The following ZNF518A variants were observed in gnomAD, a reference collection of about 807,000 sequenced individuals.
The protein encoded by ZNF518A is zinc finger protein 518A.
Under a neutral mutation model 102.7 loss-of-function variants are expected in ZNF518A, and 47 were observed. The observed-to-expected ratio is 0.46, with a 90% CI of 0.36 to 0.58. The LOEUF is 0.58. Ranked by LOEUF, ZNF518A falls within the 20% of genes least tolerant of loss-of-function variation. The probability of loss-of-function intolerance (pLI) is 0.00; values close to 1 mark genes in which losing one functional copy is unlikely to be tolerated. For synonymous variants in ZNF518A, 652 were observed against 594.6 expected, an observed-to-expected ratio of 1.10 and a Z score of -1.40; for missense variants, 1,793 against 1,699.8, an observed-to-expected ratio of 1.05 and a Z score of -0.96.
chr10:96,197,280 C>T (rs1299240521), intron 1 of ZNF518A, among the ~76,000 whole-genome samples: 2 of 152,028 alleles, frequency 1.3e-5, no homozygotes, highest in Non-Finnish European at 2.9e-5. Flanking sequence ...GAGATCAATG[C>T]TTGCCTTTTT....
intron 1 of ZNF518A, chr10:96,189,849 ACT>A: frequency 3.3e-6 from 4 of 1,213,506 alleles, no homozygotes; most frequent in East Asian, 2.3e-5. Context: ...TCATCTTCTG[ACT>A]CTGCATCTTC....
At chr10:96,198,268 G>A (rs2083526671) in intron 1 of ZNF518A, among the ~76,000 whole-genome samples, 1 of 152,082 alleles carries the variant, frequency 6.6e-6, no homozygotes, top group Non-Finnish European at 1.5e-5. Flanking sequence ...AGTGATGGGA[G>A]AAAAAATGAC....
chr10:96,193,691 C>T (rs587664394), intron 1 of ZNF518A, among the ~76,000 whole-genome samples: 2 of 152,216 alleles, frequency 1.3e-5, no homozygotes, highest in South Asian at 2.1e-4. Context: ...AGAAAAACAA[C>T]GTATTGGCCA....
intron 1 of ZNF518A, among the ~76,000 whole-genome samples, chr10:96,194,915 C>G (rs1554894343): frequency 6.6e-6 from 1 of 151,250 alleles, no homozygotes; most frequent in African/African-American, 2.4e-5. Context: ...GGACTACAGG[C>G]ACGCGCCACC....
chr10:96,142,921 C>G (rs1277938374), intron 3 of ZNF518A, among the ~76,000 whole-genome samples: 1 of 151,830 alleles, frequency 6.6e-6, no homozygotes, highest in Admixed American at 6.6e-5. Flanking sequence ...ATTCTCATGT[C>G]TCAGCCTCCT....
intron 3 of ZNF518A, among the ~76,000 whole-genome samples, chr10:96,155,058 T>G (rs1038009932): frequency 4.0e-5 from 6 of 151,804 alleles, no homozygotes; most frequent in African/African-American, 1.2e-4. Flanking sequence ...TTCATACATA[T>G]ATATATATAT....
chr10:96,173,473 A>G (rs1224876031), intron 1 of ZNF518A, among the ~76,000 whole-genome samples: 3 of 152,216 alleles, frequency 2.0e-5, no homozygotes, highest in African/African-American at 4.8e-5. Context: ...ACAAAATACC[A>G]TAGACTGAGG....
chr10:96,182,332 G>A (rs2083245093), intron 1 of ZNF518A, among the ~76,000 whole-genome samples: 1 of 152,084 alleles, frequency 6.6e-6, no homozygotes, highest in South Asian at 2.1e-4. Context: ...TCTTTGCCTT[G>A]CCTGATTGCC....
In ZNF518A at chr10:96,159,250, T is replaced by C. The variant is rs782284319; in HGVS notation, c.2928T>C (p.Pro976=). ...CTTCTCTTTTTGTAAACAAGAAACCTGGGATGGTTTTAACACTTAATAATG... is the reference window on the plus strand; with the variant it reads ...CTTCTCTTTTTGTAAACAAGAAACCCGGGATGGTTTTAACACTTAATAATG... The part of the protein sequence containing the change: ...IPASLFVNKK[P]GMVLTLNNGK... The change falls in exon 6 of 6, where the codon CCT becomes CCC. Residue 976 remains proline, a synonymous_variant. Transcript: ENST00000316045. 4 of 1,613,536 alleles carry C rather than the reference T, an allele frequency of 2.5e-6. No individual in the cohort carries two copies. Among genetic ancestry groups the C allele is most frequent in the Non-Finnish European group, 3.4e-6 (4 of 1,179,726 alleles).
intron 3 of ZNF518A, among the ~76,000 whole-genome samples, chr10:96,140,412 A>G (rs2081858423): frequency 6.6e-6 from 1 of 152,192 alleles, no homozygotes; most frequent in Non-Finnish European, 1.5e-5. Context: ...ACATGATAAC[A>G]TGTTCTCCCA....
intron 3 of ZNF518A, among the ~76,000 whole-genome samples, chr10:96,153,523 C>G (rs1316854627): frequency 6.6e-6 from 1 of 152,130 alleles, no homozygotes; most frequent in African/African-American, 2.4e-5. Flanking sequence ...CCCCAAACTA[C>G]CTAAAATACA....
chr10:96,190,665 C>T (rs1471402463), intron 1 of ZNF518A, among the ~76,000 whole-genome samples: 1 of 152,156 alleles, frequency 6.6e-6, no homozygotes, highest in African/African-American at 2.4e-5. Context: ...TCATAGATTG[C>T]TATCTTATGC....
At chr10:96,195,322 A>G (rs928660209) in intron 1 of ZNF518A, among the ~76,000 whole-genome samples, 14 of 152,214 alleles carry the variant, frequency 9.2e-5, no homozygotes, top group Non-Finnish European at 1.9e-4. Flanking sequence ...ATATACCCCC[A>G]AATAATTGAA....
chr10:96,189,591 G>A (rs1316869819), intron 1 of ZNF518A: 9 of 687,544 alleles, frequency 1.3e-5, no homozygotes, highest in Non-Finnish European at 2.2e-5. Context: ...TCTTGGTGTT[G>A]ATGATGGGTT....
At chr10:96,149,947 A>C (rs953462974) in intron 3 of ZNF518A, among the ~76,000 whole-genome samples, 8 of 152,122 alleles carry the variant, frequency 5.3e-5, no homozygotes, top group African/African-American at 1.9e-4. Flanking sequence ...ATGTGAAATT[A>C]ATCTTGGGTT....
chr10:96,168,076 C>G (rs996904199), downstream of ZNF518A, among the ~76,000 whole-genome samples: 1 of 152,152 alleles, frequency 6.6e-6, no homozygotes, highest in Non-Finnish European at 1.5e-5. Context: ...TTTATAATTA[C>G]GCAGTTTTAA....
chr10:96,137,615 T>C (rs1420676843), intron 3 of ZNF518A, among the ~76,000 whole-genome samples: 1 of 152,252 alleles, frequency 6.6e-6, no homozygotes, highest in African/African-American at 2.4e-5. Context: ...ATTCTTGATT[T>C]ACCTTAACTC....
chr10:96,168,730 C>A (rs1233425957), downstream of ZNF518A, among the ~76,000 whole-genome samples: 3 of 152,112 alleles, frequency 2.0e-5, no homozygotes, highest in Admixed American at 6.5e-5. Flanking sequence ...GCTGTTAATT[C>A]TCCTGAGGAC....
chr10:96,200,305 GA>G lies in ZNF518A; in HGVS notation n.36-3268del, dbSNP rs1388470966. ...TTAAGATGAGTTTTATTTTTCCTTT[GA>G]TCAAACACAAGGATTATACCGTTAA... On this transcript the variant is annotated intron_variant and non_coding_transcript_variant, in intron 1 of 2. Coordinates refer to the ZNF518A transcript ENST00000442635. The surrounding 1 kb of genome is among the most constrained non-coding windows in gnomAD (Gnocchi z 4.3). The G allele has an allele frequency of 6.4e-6, 4 of 626,326 alleles. No homozygotes were observed. The highest frequency in any genetic ancestry group is 8.6e-6 in the Non-Finnish European group (3 of 349,874). 38.8% of individuals were successfully genotyped at this position (626,326 alleles called of 1,614,324 possible).
Sources: gnomAD v4.1 joint callset for allele counts (sites outside exome capture counted in the v4.1 genomes callset) on GRCh38, gnomAD v4.1.1 for gene constraint, Gnocchi (gnomAD v3.1) non-coding constraint, MANE v1.5 for transcripts, NCBI Gene and HGNC (gene_info 2026-07-23, HGNC 2026-07-21) for gene names.